ADGRV1: variants seen among roughly 807,000 people sequenced by gnomAD.
The protein encoded by ADGRV1 is G-protein coupled receptor 98.
ADGRV1 carries 359 observed loss-of-function variants against 596.2 expected under a neutral mutation model. That is an observed-to-expected ratio of 0.60 (90% CI 0.55 to 0.66). ADGRV1 has a LOEUF of 0.66. ADGRV1 is among the 30% of genes least tolerant of loss of function. The pLI is 0.00. For synonymous variants in ADGRV1, 2,681 were observed against 2,679.2 expected, an observed-to-expected ratio of 1.00 and a Z score of -0.02; for missense variants, 7,274 against 7,575.6, an observed-to-expected ratio of 0.96 and a Z score of 1.48.
intron 45 of ADGRV1, among the ~76,000 whole-genome samples, 162 bp downstream of exon 45, chr5:90,721,221 G>A (rs773227712): frequency 6.6e-6 from 1 of 152,112 alleles, no homozygotes; most frequent in Non-Finnish European, 1.5e-5. Context: ...TTGAGGCTGG[G>A]CGCTCATGTG....
intron 76 of ADGRV1, among the ~76,000 whole-genome samples, chr5:90,828,670 G>A (rs1764263149): frequency 6.6e-6 from 1 of 151,638 alleles, no homozygotes; most frequent in South Asian, 2.1e-4. Context: ...TTATTTTTTT[G>A]CTGATCGTAG....
rs781533537 is a variant in ADGRV1 at position 90,710,962 on chromosome 5, T to C, written c.8825-19T>C. 8.8e-5 allele frequency: 128 copies of C among 1,461,958 alleles called. No homozygotes were observed. The highest frequency in any genetic ancestry group is 3.4e-4 in the Admixed American group (20 of 58,264). 90.6% of individuals were successfully genotyped at this position (1,461,958 alleles called of 1,614,324 possible). ...AATCATTTATATGTATTTTAAGATA[T>C]GCTTCTATGTTTTTTAAGATTCAGA... On this transcript the variant is annotated intron_variant, in intron 39 of 89. Coordinates refer to ENST00000405460, the MANE Select transcript of ADGRV1 (RefSeq NM_032119.4).
At chr5:90,975,934 T>A (rs950887900) in intron 84 of ADGRV1, among the ~76,000 whole-genome samples, 2 of 152,264 alleles carry the variant, frequency 1.3e-5, no homozygotes, top group South Asian at 2.1e-4. Flanking sequence ...TGCAGTATCT[T>A]TACTCTGTTT....
In ADGRV1 at chr5:90,829,054, A is replaced by C; in HGVS notation, c.16479A>C (p.Glu5493Asp). Reference protein sequence around the residue: ...FAQIKILESDESQSLVYFSVG... With the variant: ...FAQIKILESDDSQSLVYFSVG... ...AGATTAAAATCTTAGAAAGTGATGA[A>C]TCTCAAAGCCTTGTGTATTTTTCTG... Residue 5493 changes from glutamate to aspartate, a missense_variant, in exon 77 of 90, where the codon GAA becomes GAC. Around this residue, in one of 5 missense-constraint regions of ADGRV1, gnomAD observed 1,874 missense variants for 1,970.2 expected, o/e 0.95. Transcript: ENST00000405460. The C allele has an allele frequency of 1.2e-6, 2 of 1,612,868 alleles. No individual in the cohort carries two copies. The highest frequency in any genetic ancestry group is 1.7e-6 in the Non-Finnish European group (2 of 1,179,172).
chr5:90,600,981 A>G (rs1275636470), intron 1 of ADGRV1, among the ~76,000 whole-genome samples: 2 of 152,244 alleles, frequency 1.3e-5, no homozygotes, highest in Non-Finnish European at 2.9e-5. Context: ...TCACGCCTGT[A>G]ATTCCAGCAC....
At chr5:90,951,976 A>G (rs568935206) in intron 83 of ADGRV1, among the ~76,000 whole-genome samples, 5 of 152,320 alleles carry the variant, frequency 3.3e-5, no homozygotes, top group Admixed American at 6.5e-5. Context: ...GGGAATACTG[A>G]TAAAGCTCAG....
At chr5:91,102,451 A>G (rs1791470089) in intron 87 of ADGRV1, 111 bp downstream of exon 87, 2 of 878,440 alleles carry the variant, frequency 2.3e-6, no homozygotes, top group Non-Finnish European at 3.3e-6. Context: ...ATTTGTGTAC[A>G]TAATAACATC....
chr5:91,098,153 T>TTCA (rs1183362230), intron 86 of ADGRV1, among the ~76,000 whole-genome samples: 1 of 152,236 alleles, frequency 6.6e-6, no homozygotes, highest in African/African-American at 2.4e-5. Flanking sequence ...TTATTAGTAG[T>TTCA]TCATCAAATG....
rs779879190 is a variant in ADGRV1 at position 90,558,842 on chromosome 5, A to G, written c.-54A>G. ...CGGGCAAGGAGTACGGACGGGAGTC[A>G]GAGGCAGAGCGAGGGTGTGTGGAGG... On this transcript the variant is annotated 5_prime_UTR_variant, in exon 1 of 90. Transcript: ENST00000405460. 6.5e-7 allele frequency: 1 copy of G among 1,547,830 alleles called. No individual in the cohort carries two copies. Among genetic ancestry groups the G allele is most frequent in the South Asian group, 1.2e-5 (1 of 84,458 alleles).
chr5:90,797,363 A>T (rs538200899), intron 70 of ADGRV1, among the ~76,000 whole-genome samples: 1 of 151,808 alleles, frequency 6.6e-6, no homozygotes, highest in African/African-American at 2.4e-5. Context: ...ACCAACAAAG[A>T]TCAAAAGAGA....
At chr5:90,729,853 A>T in intron 50 of ADGRV1, 89 bp downstream of exon 50, 1 of 1,318,806 alleles carries the variant, frequency 7.6e-7, no homozygotes, top group Non-Finnish European at 1.1e-6. Flanking sequence ...TTAGTATCAC[A>T]TTGCCAGACA....
chr5:90,986,972 C>G (rs548153227), intron 85 of ADGRV1, among the ~76,000 whole-genome samples: 45 of 151,978 alleles, frequency 3.0e-4, no homozygotes, highest in African/African-American at 1.1e-3. Context: ...CTAAATGGAC[C>G]CAATGAATGT....
At position 90,806,716 on chromosome 5, in the gene ADGRV1, G is replaced by C. The variant is rs181374834; in HGVS notation, c.14837-886G>C. ...TTAACTTGATTCAGCTAAAATAACA[G>C]GAGTTCCCAAATAATAGATCTGTAT... On this transcript the variant is annotated intron_variant, in intron 72 of 89. Coordinates refer to ENST00000405460, the MANE Select transcript of ADGRV1 (RefSeq NM_032119.4). 3.3e-3 allele frequency among the ~76,000 whole-genome samples: 498 copies of C among 152,232 alleles called. 1 individual carries two copies. Among genetic ancestry groups the C allele is most frequent in the Admixed American group, 4.6e-3 (71 of 15,300 alleles).
At chr5:91,056,994 A>T (rs1304116554) in intron 85 of ADGRV1, among the ~76,000 whole-genome samples, 1 of 152,256 alleles carries the variant, frequency 6.6e-6, no homozygotes, top group Non-Finnish European at 1.5e-5. Context: ...AATGATGTAT[A>T]ATATAACCAC....
chr5:90,733,814 T>C (rs1367863638), intron 50 of ADGRV1, among the ~76,000 whole-genome samples: 1 of 152,204 alleles, frequency 6.6e-6, no homozygotes, highest in Non-Finnish European at 1.5e-5. Context: ...CTCTTAGTTA[T>C]TTTGAAATAT....
intron 43 of ADGRV1, chr5:90,718,513 A>G (rs1750455607): frequency 6.6e-6 from 1 of 152,206 alleles, no homozygotes; most frequent in Admixed American, 6.5e-5. Flanking sequence ...ATAAATCTAA[A>G]ATAATAGATT....
Position 90,697,020 on chromosome 5 carries a change from T to A in ADGRV1, c.8029T>A (p.Tyr2677Asn). 1 of 1,613,376 alleles carries A rather than the reference T, an allele frequency of 6.2e-7. No homozygotes were observed. The highest frequency in any genetic ancestry group is 8.5e-7 in the Non-Finnish European group (1 of 1,179,444). Residue 2677 changes from tyrosine (Y) to asparagine (N), a missense_variant, in exon 34 of 90, where the codon TAC becomes AAC. Tyr to Asn is a moderately radical substitution (Grantham distance 143). Around this residue, in one of 5 missense-constraint regions of ADGRV1, gnomAD observed 3,643 missense variants for 3,809.2 expected, o/e 0.96. Transcript: ENST00000405460. ...CGAAAGTATCATAGTTAGTTTGGTG[T>A]ACACTGAAGGTGGAAGTAGAATTTT... ...DDESIIVSLV[Y>N]TEGGSRILPS...
At position 90,755,140 on chromosome 5, in the gene ADGRV1, G is replaced by T; in HGVS notation, c.11535G>T (p.Met3845Ile). The T allele has an allele frequency of 6.2e-7, 1 of 1,609,858 alleles. No homozygotes were observed. The highest frequency in any genetic ancestry group is 1.1e-5 in the South Asian group (1 of 90,410). Reference sequence around the variant, plus strand: ...TATTGCAAGAAACAATAATAATAATGAAAGAAAACATAAAAGAAGCTCATG... The same window carrying T: ...TATTGCAAGAAACAATAATAATAATTAAAGAAAACATAAAAGAAGCTCATG... ...DYVLQETIII[M>I]KENIKEAHAE... Residue 3845 changes from methionine to isoleucine, a missense_variant, in exon 55 of 90, where the codon ATG (methionine) becomes ATT (isoleucine). Transcript: ENST00000405460.
At chr5:90,764,435 A>G (rs1181031309) in intron 59 of ADGRV1, among the ~76,000 whole-genome samples, 2 of 152,186 alleles carry the variant, frequency 1.3e-5, no homozygotes, top group Non-Finnish European at 2.9e-5. Flanking sequence ...AAGCACACAC[A>G]AAAAATGCTT....
Sources: allele counts gnomAD v4.1 joint callset (sites outside exome capture counted in the v4.1 genomes callset), GRCh38; gene constraint gnomAD v4.1.1; regional missense constraint gnomAD v4.1.1; transcripts MANE v1.5; gene names NCBI Gene and HGNC (gene_info 2026-07-23, HGNC 2026-07-21).